SIGLEC5: variants seen among roughly 807,000 people sequenced by gnomAD.
The protein encoded by SIGLEC5 is sialic acid-binding Ig-like lectin 5.
In SIGLEC5, 34 loss-of-function variants were observed where a neutral mutation model predicts 45.9. That is an observed-to-expected ratio of 0.74 (90% CI 0.56 to 0.99). SIGLEC5 has a LOEUF of 0.99. Among genes scored for constraint, SIGLEC5 ranks in the 50% least tolerant of loss-of-function variants. SIGLEC5 has a pLI of 0.00. For synonymous variants in SIGLEC5, 203 were observed against 258.6 expected, an observed-to-expected ratio of 0.79 and a Z score of 2.06; for missense variants, 508 against 629.6, an observed-to-expected ratio of 0.81 and a Z score of 2.07.
intron 8 of SIGLEC5, among the ~76,000 whole-genome samples, chr19:51,617,660 C>A (rs915090274): frequency 1.3e-5 from 2 of 151,972 alleles, no homozygotes; most frequent in South Asian, 4.2e-4. Context: ...TCTTCAGAAG[C>A]CTTGAGGAAC....
At position 51,629,874 on chromosome 19, in the gene SIGLEC5, T is replaced by C. The variant is rs755122651; in HGVS notation, c.380A>G (p.Lys127Arg). The C allele has an allele frequency of 7.5e-7, 1 of 1,325,250 alleles. No individual in the cohort carries two copies. 82.1% of individuals were successfully genotyped at this position (1,325,250 alleles called of 1,614,324 possible). A position where few individuals can be genotyped will look rare whatever the true frequency, so the allele number is the denominator to read the frequency against. ...CAGCTTATTCTGTTGGTAGCTATAT[T>C]TTACATCCCTTCCTCTCTCCACGCG... ...FFRVERGRDVKYSYQQNKLNL... is the reference protein window; with the variant it reads ...FFRVERGRDVRYSYQQNKLNL... Residue 127 changes from lysine to arginine, a missense_variant, in exon 2 of 9, where the codon AAA becomes AGA. This residue lies in a region of SIGLEC5 where 77 missense variants were observed against 200.8 expected (regional missense o/e 0.38). Coordinates refer to ENST00000683636, the MANE Select transcript of SIGLEC5 (RefSeq NM_003830.4).
At chr19:51,614,886 T>C (rs1422859358) in intron 8 of SIGLEC5, among the ~76,000 whole-genome samples, 1 of 152,190 alleles carries the variant, frequency 6.6e-6, no homozygotes, top group Admixed American at 6.5e-5. Context: ...CCTGTGAGCT[T>C]GCCACTTTAC....
At chr19:51,614,214 G>A (rs1426838608) in intron 8 of SIGLEC5, among the ~76,000 whole-genome samples, 7 of 152,130 alleles carry the variant, frequency 4.6e-5, no homozygotes, top group African/African-American at 7.2e-5. Flanking sequence ...GTGTGATTTC[G>A]TCTCACTGCA....
At chr19:51,613,263 C>G (rs767398718) in intron 8 of SIGLEC5, among the ~76,000 whole-genome samples, 8 of 152,170 alleles carry the variant, frequency 5.3e-5, no homozygotes, top group African/African-American at 1.7e-4. Context: ...CTGTGAAAGT[C>G]ACACTGTGAA....
Position 51,611,761 on chromosome 19 carries a change from G to A in SIGLEC5, c.*470C>T, listed in dbSNP as rs966582926. On this transcript the variant is annotated 3_prime_UTR_variant, in exon 9 of 9. Transcript: ENST00000683636. ...AGGCTGAGGGGCTGGTCTTTCCTAG[G>A]GAGTCTTCGAAGAGTTTTGGGAAGG... Among the ~76,000 whole-genome samples, 1 of 152,168 alleles carries A rather than the reference G, an allele frequency of 6.6e-6. No individual in the cohort carries two copies.
In SIGLEC5 at chr19:51,611,055, T is replaced by A. The variant is rs1982834033; in HGVS notation, c.*1176A>T. 6.6e-6 allele frequency among the ~76,000 whole-genome samples: 1 copy of A among 152,226 alleles called. No homozygotes were observed. The highest frequency in any genetic ancestry group is 1.5e-5 in the Non-Finnish European group (1 of 68,032). On this transcript the variant is annotated 3_prime_UTR_variant, in exon 9 of 9. Transcript: ENST00000683636. ...AAACAGTAGTCACAATTCACCTTCT[T>A]TACAGTGATGAAAATGAAGTTTGGG...
At chr19:51,624,793 A>AC (rs760169177) in intron 8 of SIGLEC5, among the ~76,000 whole-genome samples, 3 of 151,882 alleles carry the variant, frequency 2.0e-5, no homozygotes, top group Non-Finnish European at 4.4e-5. Context: ...ACATGGTGAA[A>AC]CCCCGTCTCT....
chr19:51,616,075 G>A (rs1230797834), intron 8 of SIGLEC5, among the ~76,000 whole-genome samples: 6 of 152,016 alleles, frequency 3.9e-5, no homozygotes, highest in East Asian at 1.9e-4. Context: ...CGTGCCCGGC[G>A]TCCCTGTCAT....
chr19:51,617,478 C>A (rs1568588806), intron 8 of SIGLEC5, among the ~76,000 whole-genome samples: 1 of 151,900 alleles, frequency 6.6e-6, no homozygotes, highest in Admixed American at 6.6e-5. Context: ...GGATTACCTA[C>A]AAATATGTGA....
At chr19:51,618,443 T>TAAAAAAAAAAAAAAAAAAA (rs1228951315) in intron 8 of SIGLEC5, among the ~76,000 whole-genome samples, 5 of 49,450 alleles carry the variant, frequency 1.0e-4, no homozygotes, top group African/African-American at 3.5e-4. Flanking sequence ...AGACCCTGCC[T>TAAAAAAAAAAAAAAAAAAA]AAAAAAAAAA....
chr19:51,612,050 C>A lies in SIGLEC5; in HGVS notation c.*181G>T. On this transcript the variant is annotated 3_prime_UTR_variant, in exon 9 of 9. Coordinates refer to ENST00000683636, the MANE Select transcript of SIGLEC5 (RefSeq NM_003830.4). The stretch of plus-strand genomic sequence containing the variant: ...AGGGATGCAGTGAATTGCTTGATGA[C>A]AGTGCCAGGGCCTAGATTTGAGCCC... 2.4e-6 allele frequency: 1 copy of A among 423,886 alleles called. No individual in the cohort carries two copies. The allele number at this position is 423,886 out of a possible 1,614,324, so 26.3% of individuals were successfully genotyped here.
At position 51,629,025 on chromosome 19, in the gene SIGLEC5, A is replaced by T; in HGVS notation, c.739+13T>A. ...GAGGCAGGTCCCAGCTTCAGAGAGG[A>T]GGTCTTTCCTACCTATGCCGTTCCT... is the stretch of plus-strand genomic sequence containing the variant. On this transcript the variant is annotated intron_variant, in intron 4 of 8. Transcript: ENST00000683636. 1.9e-6 allele frequency: 3 copies of T among 1,612,712 alleles called. No homozygotes were observed. Among genetic ancestry groups the T allele is most frequent in the Non-Finnish European group, 2.5e-6 (3 of 1,178,978 alleles).
chr19:51,621,801 A>G (rs896517446), intron 8 of SIGLEC5: 3 of 152,154 alleles, frequency 2.0e-5, no homozygotes, highest in Non-Finnish European at 4.4e-5. Flanking sequence ...ACCCTCTTAT[A>G]TTTTTTAAAT....
chr19:51,620,097 C>G (rs927718969), intron 8 of SIGLEC5, among the ~76,000 whole-genome samples: 5 of 151,066 alleles, frequency 3.3e-5, no homozygotes, highest in Non-Finnish European at 7.4e-5. Flanking sequence ...AGGAACACGT[C>G]CCTAGAATAA....
rs368330559 is a variant in SIGLEC5 at position 51,627,451 on chromosome 19, C to T, written c.1282+11G>A. On this transcript the variant is annotated intron_variant, in intron 6 of 8. Coordinates refer to ENST00000683636, the MANE Select transcript of SIGLEC5 (RefSeq NM_003830.4). ...CCTCAGGCCCCTGCCCTCTGCAATA[C>T]GCCCCCTGACCTTGCAGCAGCAGGA... 5.6e-5 allele frequency: 90 copies of T among 1,605,362 alleles called. No individual in the cohort carries two copies. Among genetic ancestry groups the T allele is most frequent in the African/African-American group, 9.4e-5 (7 of 74,760 alleles).
Position 51,627,959 on chromosome 19 carries a change from G to A in SIGLEC5, c.872C>T (p.Thr291Ile), listed in dbSNP as rs2122637562. ...CAAGATCCCGGTATTGGAGATGGGG[G>A]TGGCGTTCAGGGCAGGGGAGCCCTG... ...WFQGSPALNA[T>I]PISNTGILEL... The change falls in exon 5 of 9, where the codon ACC (threonine) becomes ATC (isoleucine). Residue 291 changes from threonine to isoleucine, a missense_variant. Thr to Ile is a moderately conservative substitution (Grantham distance 89). Transcript: ENST00000683636. 6.2e-7 allele frequency: 1 copy of A among 1,614,072 alleles called. No homozygotes were observed. The highest frequency in any genetic ancestry group is 1.7e-5 in the Admixed American group (1 of 60,006).
At chr19:51,617,353 C>A (rs1983106693) in intron 8 of SIGLEC5, among the ~76,000 whole-genome samples, 3 of 151,744 alleles carry the variant, frequency 2.0e-5, no homozygotes, top group Admixed American at 2.0e-4. Context: ...GCTGAAAGGG[C>A]CCCACGAGTG....
intron 4 of SIGLEC5, among the ~76,000 whole-genome samples, chr19:51,628,813 ATGTGTGTGTGTGCGTGTGTG>A (rs1345296267): frequency 8.3e-6 from 1 of 120,504 alleles, no homozygotes; most frequent in African/African-American, 3.3e-5. Context: ...GTGTATATGC[ATGTGTGTGTGTGCGTGTGTG>A]TGTGCGTGTG....
At chr19:51,612,698 A>G (rs906933903) in intron 8 of SIGLEC5, among the ~76,000 whole-genome samples, 4 of 152,126 alleles carry the variant, frequency 2.6e-5, no homozygotes, top group Admixed American at 1.3e-4. Flanking sequence ...TGACTTACGT[A>G]TTGACTCCTG....
Sources: gnomAD v4.1 joint callset for allele counts (sites outside exome capture counted in the v4.1 genomes callset) on GRCh38, gnomAD v4.1.1 for gene constraint, gnomAD v4.1.1 regional missense constraint, MANE v1.5 for transcripts, NCBI Gene and HGNC (gene_info 2026-07-23, HGNC 2026-07-21) for gene names.